DYNC1I1: variants seen among roughly 807,000 people sequenced by gnomAD.
DYNC1I1 encodes cytoplasmic dynein 1 intermediate chain 1.
In DYNC1I1, 43 loss-of-function variants were observed where a neutral mutation model predicts 86.6. The ratio of observed to expected loss-of-function variants is 0.50; its 90% CI spans 0.39 to 0.64. The LOEUF (loss-of-function observed/expected upper bound fraction) is 0.64. Among genes scored for constraint, DYNC1I1 ranks in the 30% least tolerant of loss-of-function variants. The pLI, the probability that DYNC1I1 is intolerant of heterozygous loss-of-function variation, is 0.00. For missense variants in DYNC1I1, 604 were observed against 788.8 expected (o/e 0.77, Z 2.81); for synonymous variants, 262 against 283.7 (o/e 0.92, Z 0.77).
chr7:95,854,147 T>G (rs1789655188), intron 5 of DYNC1I1, among the ~76,000 whole-genome samples: 1 of 152,206 alleles, frequency 6.6e-6, no homozygotes, highest in South Asian at 2.1e-4. Flanking sequence ...AGATAATAAT[T>G]GATAGATACA....
intron 9 of DYNC1I1, among the ~76,000 whole-genome samples, chr7:95,994,241 T>C (rs969920812): frequency 3.3e-5 from 5 of 152,126 alleles, no homozygotes; most frequent in Admixed American, 1.3e-4. Flanking sequence ...GTTTATTATA[T>C]GCTAGGAATT....
intron 6 of DYNC1I1, among the ~76,000 whole-genome samples, chr7:95,891,475 T>C (rs1403562814): frequency 6.6e-6 from 1 of 152,216 alleles, no homozygotes; most frequent in African/African-American, 2.4e-5. Context: ...TTTGTAGATG[T>C]CTCTGGGCAT....
At chr7:95,782,795 A>T (rs1389002801) in intron 1 of DYNC1I1, among the ~76,000 whole-genome samples, 1 of 152,088 alleles carries the variant, frequency 6.6e-6, no homozygotes, top group African/African-American at 2.4e-5. Flanking sequence ...TCTCAGTGGG[A>T]TGAATGGGGA....
intron 6 of DYNC1I1, among the ~76,000 whole-genome samples, chr7:95,930,559 T>G (rs1791865728): frequency 6.6e-6 from 1 of 152,190 alleles, no homozygotes; most frequent in Non-Finnish European, 1.5e-5. Context: ...ATCTGAAATT[T>G]TATGTTTACA....
At chr7:95,862,003 A>T (rs758902656) in intron 5 of DYNC1I1, among the ~76,000 whole-genome samples, 1 of 152,230 alleles carries the variant, frequency 6.6e-6, no homozygotes, top group Non-Finnish European at 1.5e-5. Context: ...CACTGGCAAA[A>T]GAGTGAAGTT....
At chr7:95,980,716 T>C (rs150979544) in intron 7 of DYNC1I1, among the ~76,000 whole-genome samples, 2 of 152,130 alleles carry the variant, frequency 1.3e-5, no homozygotes, top group Non-Finnish European at 2.9e-5. Flanking sequence ...TTTTCTGCCA[T>C]AGAGTAGGAA....
chr7:95,847,292 C>T (rs1562920166), intron 5 of DYNC1I1, among the ~76,000 whole-genome samples: 1 of 152,186 alleles, frequency 6.6e-6, no homozygotes, highest in Admixed American at 6.5e-5. Flanking sequence ...CAAATCTCCA[C>T]ACTTCGTTAG....
chr7:95,981,495 A>G (rs1428679317), intron 7 of DYNC1I1, among the ~76,000 whole-genome samples: 1 of 152,100 alleles, frequency 6.6e-6, no homozygotes, highest in African/African-American at 2.4e-5. Flanking sequence ...AATTTCATGT[A>G]TTCTGTAAAA....
chr7:95,925,590 C>T (rs1296619549), intron 6 of DYNC1I1, among the ~76,000 whole-genome samples: 1 of 152,184 alleles, frequency 6.6e-6, no homozygotes, highest in East Asian at 1.9e-4. Context: ...TCTAACCCTT[C>T]TAAAGGTGGC....
intron 5 of DYNC1I1, among the ~76,000 whole-genome samples, chr7:95,864,226 A>G (rs929515851): frequency 1.3e-5 from 2 of 152,196 alleles, no homozygotes; most frequent in African/African-American, 4.8e-5. Flanking sequence ...AGAAATGGAA[A>G]GGGGAATGGG....
rs550209513 is a variant in DYNC1I1 at position 95,814,989 on chromosome 7, G to GC, written c.314+1652_314+1653insC. On this transcript the variant is annotated intron_variant, in intron 4 of 16. Transcript: ENST00000447467. ...TGGCACAATATAATCACATTTCTTG[G>GC]GGGGGGTCCATTGGCCTATCATTAA... is the stretch of plus-strand genomic sequence containing the variant. Among the ~76,000 whole-genome samples, 233 of 151,946 alleles carry GC rather than the reference G, an allele frequency of 1.5e-3. 7 individuals carry two copies. In the South Asian group the frequency reaches 0.047, roughly 31 times the overall value.
intron 6 of DYNC1I1, among the ~76,000 whole-genome samples, chr7:95,955,883 A>G (rs375581264): frequency 1.1e-4 from 17 of 152,292 alleles, no homozygotes; most frequent in African/African-American, 4.1e-4. Flanking sequence ...CTCCACTTTT[A>G]TGTAACATTC....
chr7:96,032,701 A>T lies in DYNC1I1; in HGVS notation c.1151A>T (p.Gln384Leu), dbSNP rs1264919661. The T allele has an allele frequency of 6.2e-7, 1 of 1,613,738 alleles. No homozygotes were observed. The highest frequency in any genetic ancestry group is 2.2e-5 in the East Asian group (1 of 44,860). The change falls in exon 12 of 17, where the codon CAG (glutamine) becomes CTG (leucine). Residue 384 changes from glutamine (Q) to leucine (L), a missense_variant. Transcript: ENST00000447467. ...TACTGTGTAAATGTTGTTGGGACCC[A>T]GAATGCTCATAACCTCATCACTGTC... ...PVYCVNVVGT[Q>L]NAHNLITVST...
At chr7:96,046,236 A>G (rs556085674) in intron 14 of DYNC1I1, among the ~76,000 whole-genome samples, 1 of 152,250 alleles carries the variant, frequency 6.6e-6, no homozygotes, top group East Asian at 1.9e-4. Flanking sequence ...ATAGGTCTAT[A>G]CTTGATTGTG....
chr7:96,037,413 A>G (rs1011408327), intron 13 of DYNC1I1, among the ~76,000 whole-genome samples: 4 of 152,198 alleles, frequency 2.6e-5, no homozygotes, highest in Non-Finnish European at 5.9e-5. Flanking sequence ...AAAATAACTG[A>G]TGACGGTGAG....
At chr7:96,058,124 C>A (rs1242936126) in intron 14 of DYNC1I1, among the ~76,000 whole-genome samples, 1 of 152,114 alleles carries the variant, frequency 6.6e-6, no homozygotes, top group Non-Finnish European at 1.5e-5. Context: ...AATAACAGCA[C>A]AAATATAATT....
At chr7:95,877,708 A>G (rs956172978) in intron 6 of DYNC1I1, among the ~76,000 whole-genome samples, 3 of 152,272 alleles carry the variant, frequency 2.0e-5, no homozygotes, top group African/African-American at 7.2e-5. Flanking sequence ...CCAGGAAAAC[A>G]GACAGCTAAG....
At chr7:95,947,981 T>TC (rs1792450235) in intron 6 of DYNC1I1, among the ~76,000 whole-genome samples, 1 of 37,990 alleles carries the variant, frequency 2.6e-5, no homozygotes, top group Non-Finnish European at 5.0e-5. Context: ...TGTATGTGGC[T>TC]TTTTTTTTTT....
rs1034224189 is a variant in DYNC1I1, at chr7:95,818,714, A to G, written c.314+5377A>G. 3.5e-5 allele frequency: 15 copies of G among 427,272 alleles called. No homozygotes were observed. In the Admixed American group the frequency reaches 4.2e-4, roughly 12 times the overall value. The allele number at this position is 427,272 out of a possible 1,614,324, so 26.5% of individuals were successfully genotyped here. A position where few individuals can be genotyped will look rare whatever the true frequency, so the allele number is the denominator to read the frequency against. Reference sequence around the variant, plus strand: ...TACAACTAGAAAATATAAATGAGCAAAAATAACAAAATAAAAACATCATGT... The same window carrying G: ...TACAACTAGAAAATATAAATGAGCAGAAATAACAAAATAAAAACATCATGT... On this transcript the variant is annotated intron_variant, in intron 4 of 16. Coordinates refer to ENST00000447467, the MANE Select transcript of DYNC1I1 (RefSeq NM_001135556.2).
Sources: allele counts gnomAD v4.1 joint callset (sites outside exome capture counted in the v4.1 genomes callset), GRCh38; gene constraint gnomAD v4.1.1; transcripts MANE v1.5; gene names NCBI Gene and HGNC (gene_info 2026-07-23, HGNC 2026-07-21).